NKAIN3: variants seen among roughly 807,000 people sequenced by gnomAD.
NKAIN3 encodes the protein sodium/potassium-transporting ATPase subunit beta-1-interacting protein 3.
A neutral mutation model predicts 30.2 loss-of-function variants in NKAIN3; 25 were observed. The observed-to-expected ratio is 0.83, with a 90% confidence interval of 0.60 to 1.16. The LOEUF is 1.16. Ranked by LOEUF, NKAIN3 falls within the 50% of genes most tolerant of loss-of-function variation. The probability of loss-of-function intolerance (pLI) is 0.00; values close to 1 mark genes in which losing one functional copy is unlikely to be tolerated. For missense variants in NKAIN3, 225 were observed against 254.1 expected, an observed-to-expected ratio of 0.89 and a Z score of 0.78; for synonymous variants, 91 against 89.6, an observed-to-expected ratio of 1.02 and a Z score of -0.09.
At position 62,982,152 on chromosome 8, in the gene NKAIN3, A is replaced by T. The variant is rs1192392166; in HGVS notation, c.*16745A>T. 1 of 152,216 alleles carries T rather than the reference A, an allele frequency of 6.6e-6. No homozygotes were observed. Among genetic ancestry groups the T allele is most frequent in the Non-Finnish European group, 1.5e-5 (1 of 68,032 alleles). The allele number at this position is 152,216 out of a possible 1,614,324, so 9.4% of individuals were successfully genotyped here. A position where few individuals can be genotyped will look rare whatever the true frequency, so the allele number is the denominator to read the frequency against. ...GCACTGTATTGCTTTACAAAACAGC[A>T]TTTCATTTGTATTATGATGATTTCA... On this transcript the variant is annotated 3_prime_UTR_variant, in exon 7 of 7. Coordinates refer to ENST00000623646, the MANE Select transcript of NKAIN3 (RefSeq NM_001304533.3).
intron 4 of NKAIN3, among the ~76,000 whole-genome samples, chr8:62,823,498 T>C (rs1026101476): frequency 4.6e-5 from 7 of 152,164 alleles, no homozygotes; most frequent in Non-Finnish European, 1.0e-4. Flanking sequence ...ATTTATAAAA[T>C]GAATTTTTTG....
At chr8:62,569,791 A>T (rs1229466029) in intron 1 of NKAIN3, among the ~76,000 whole-genome samples, 1 of 151,740 alleles carries the variant, frequency 6.6e-6, no homozygotes, top group Non-Finnish European at 1.5e-5. Context: ...AAAAAAGCCT[A>T]CTTCAGTAAC....
At position 62,448,477 on chromosome 8, in the gene NKAIN3, C is replaced by CAA. The variant is rs71255338; in HGVS notation, c.55-131050_55-131049dup. ...CATATTGTAGAGCTTCTAGAAAATC[C>CAA]AAAAAAAAAAAAAGATAAAAAGAAA... On this transcript the variant is annotated intron_variant, in intron 1 of 6. Transcript: ENST00000623646. Among the ~76,000 whole-genome samples the CAA allele has an allele frequency of 3.0e-3, 425 of 139,812 alleles. 4 individuals carry two copies. Among genetic ancestry groups the CAA allele is most frequent in the African/African-American group, 0.011 (411 of 37,034 alleles). The allele number at this position is 139,812 out of a possible 152,430, so 91.7% of individuals were successfully genotyped here.
chr8:62,634,470 C>A (rs1812065289), intron 3 of NKAIN3, among the ~76,000 whole-genome samples: 1 of 152,204 alleles, frequency 6.6e-6, no homozygotes, highest in Non-Finnish European at 1.5e-5. Flanking sequence ...TTAAAGGCTT[C>A]TTCCCTGGCA....
intron 4 of NKAIN3, among the ~76,000 whole-genome samples, chr8:62,842,059 G>T (rs964799873): frequency 6.6e-6 from 1 of 151,992 alleles, no homozygotes; most frequent in Non-Finnish European, 1.5e-5. Flanking sequence ...CTAATGATTA[G>T]TTCATTTGTT....
intron 4 of NKAIN3, chr8:62,856,161 T>C (rs923299757): frequency 1.3e-6 from 1 of 740,986 alleles, no homozygotes; most frequent in Non-Finnish European, 2.5e-6. Flanking sequence ...TCAGACCTCT[T>C]GGTATCACTA....
At chr8:62,637,551 T>C (rs143156813) in intron 3 of NKAIN3, among the ~76,000 whole-genome samples, 27 of 152,332 alleles carry the variant, frequency 1.8e-4, no homozygotes, top group African/African-American at 6.5e-4. Context: ...GTTCCATCAC[T>C]AGGAATCCTT....
chr8:62,699,172 A>G (rs1375182128), intron 3 of NKAIN3, among the ~76,000 whole-genome samples: 2 of 152,208 alleles, frequency 1.3e-5, no homozygotes, highest in Non-Finnish European at 2.9e-5. Flanking sequence ...AATAGTTTGC[A>G]TAATTTTTCT....
chr8:62,394,702 T>C (rs75326347), intron 1 of NKAIN3, among the ~76,000 whole-genome samples: 11 of 59,930 alleles, frequency 1.8e-4, no homozygotes, highest in Non-Finnish European at 4.6e-4. Context: ...TCTCAGACGG[T>C]GGGGCGGCCA....
At chr8:62,448,729 C>T (rs1043829840) in intron 1 of NKAIN3, among the ~76,000 whole-genome samples, 4 of 151,874 alleles carry the variant, frequency 2.6e-5, no homozygotes, top group African/African-American at 9.7e-5. Context: ...AAGACTATTG[C>T]TACAAGAATT....
At chr8:62,498,589 A>G (rs1385248523) in intron 1 of NKAIN3, among the ~76,000 whole-genome samples, 3 of 152,028 alleles carry the variant, frequency 2.0e-5, no homozygotes, top group Non-Finnish European at 4.4e-5. Flanking sequence ...TTCAAAGTCA[A>G]TGAATGGTAA....
chr8:62,838,021 TA>T (rs1819421319), intron 4 of NKAIN3, among the ~76,000 whole-genome samples: 1 of 151,888 alleles, frequency 6.6e-6, no homozygotes, highest in Non-Finnish European at 1.5e-5. Flanking sequence ...TTTTAATGCG[TA>T]AAAACTTAGG....
chr8:62,485,687 T>C (rs896608556), intron 1 of NKAIN3, among the ~76,000 whole-genome samples: 1 of 152,088 alleles, frequency 6.6e-6, no homozygotes, highest in African/African-American at 2.4e-5. Flanking sequence ...GGAGAAGTGT[T>C]GGGAGCCAAG....
chr8:62,995,555 A>G (rs1563658861), intron 5 of NKAIN3, among the ~76,000 whole-genome samples: 1 of 152,138 alleles, frequency 6.6e-6, no homozygotes, highest in Non-Finnish European at 1.5e-5. Context: ...GAAAAGCTAA[A>G]CTGATCTATA....
chr8:62,758,445 T>C (rs1263363599), intron 4 of NKAIN3, among the ~76,000 whole-genome samples: 1 of 152,192 alleles, frequency 6.6e-6, no homozygotes, highest in African/African-American at 2.4e-5. Context: ...CAAAAATTCA[T>C]TGCATTATTT....
chr8:62,583,380 T>A (rs1810364868), intron 2 of NKAIN3, among the ~76,000 whole-genome samples: 1 of 152,196 alleles, frequency 6.6e-6, no homozygotes, highest in South Asian at 2.1e-4. Flanking sequence ...ATCTTGATGG[T>A]CTCTTTTTAT....
At chr8:62,614,981 G>A (rs924492854) in intron 3 of NKAIN3, among the ~76,000 whole-genome samples, 2 of 152,140 alleles carry the variant, frequency 1.3e-5, no homozygotes, top group Non-Finnish European at 2.9e-5. Flanking sequence ...AGCCTGCTTG[G>A]TGCTCTGCAC....
At chr8:62,489,477 C>G (rs1585864884) in intron 1 of NKAIN3, among the ~76,000 whole-genome samples, 1 of 152,204 alleles carries the variant, frequency 6.6e-6, no homozygotes, top group East Asian at 1.9e-4. Flanking sequence ...AACGGAAACT[C>G]TAAGGGTCTC....
In NKAIN3 at chr8:62,713,021, G is replaced by T. The variant is rs530244626; in HGVS notation, c.274-33911G>T. Among the ~76,000 whole-genome samples, 8 of 152,162 alleles carry T rather than the reference G, an allele frequency of 5.3e-5. No homozygotes were observed. In the South Asian group the frequency reaches 1.7e-3, roughly 32 times the overall value. ...GCTTCTCCAGTGGGAGTGTGTGTTC[G>T]GTAGAGGAGAGTTTCCCTTTCCTGT... On this transcript the variant is annotated intron_variant, in intron 3 of 6. Coordinates refer to ENST00000623646, the MANE Select transcript of NKAIN3 (RefSeq NM_001304533.3).
Sources: allele counts gnomAD v4.1 joint callset (sites outside exome capture counted in the v4.1 genomes callset), GRCh38; gene constraint gnomAD v4.1.1; transcripts MANE v1.5; gene names NCBI Gene and HGNC (gene_info 2026-07-23, HGNC 2026-07-21).